Variants in DACH2 observed in about 807,000 individuals in gnomAD.
DACH2 encodes dachshund homolog 2.
In DACH2, 17 loss-of-function variants were observed where a neutral mutation model predicts 35.8. That is an observed-to-expected ratio of 0.48 (90% CI 0.33 to 0.71). The LOEUF is 0.71. Among genes scored for constraint, DACH2 ranks in the 30% least tolerant of loss-of-function variants. The pLI is 0.02. For synonymous variants in DACH2, 195 were observed against 177.3 expected (o/e 1.10, Z -0.79); for missense variants, 469 against 472.7 (o/e 0.99, Z 0.07).
intron 1 of DACH2, among the ~76,000 whole-genome samples, chrX:86,357,105 C>T (rs1453751749): frequency 9.0e-6 from 1 of 111,519 alleles, no homozygotes; most frequent in Non-Finnish European, 1.9e-5. Context: ...CCTCCAGCTC[C>T]ATCCAAGTTA....
chrX:86,775,004 G>A (rs930145831), intron 7 of DACH2, among the ~76,000 whole-genome samples: 7 of 111,623 alleles, frequency 6.3e-5, no homozygotes, highest in Non-Finnish European at 1.1e-4. Context: ...CTACAGGAAT[G>A]TAAAGAGGTT....
intron 2 of DACH2, among the ~76,000 whole-genome samples, chrX:86,464,719 A>G (rs1418981346): frequency 8.9e-6 from 1 of 111,865 alleles, no homozygotes; most frequent in Non-Finnish European, 1.9e-5. Context: ...TTCAAAAAAG[A>G]TAAGTGTAGA....
chrX:86,274,745 A>C (rs1222686333), intron 1 of DACH2, among the ~76,000 whole-genome samples: 1 of 109,548 alleles, frequency 9.1e-6, no homozygotes, highest in South Asian at 3.9e-4. Flanking sequence ...TGATCTGCCC[A>C]CCTCGGCCTC....
At chrX:86,219,694 G>GAAAAAAAT (rs766398732) in intron 1 of DACH2, among the ~76,000 whole-genome samples, 1 of 111,050 alleles carries the variant, frequency 9.0e-6, no homozygotes. Flanking sequence ...ATGTGCAAAA[G>GAAAAAAAT]CTTTTTAGTT....
intron 1 of DACH2, among the ~76,000 whole-genome samples, chrX:86,361,153 T>G (rs762855885): frequency 8.9e-6 from 1 of 111,752 alleles, no homozygotes; most frequent in South Asian, 3.7e-4. Flanking sequence ...GCAAACAATA[T>G]GTAACTTGTA....
intron 2 of DACH2, among the ~76,000 whole-genome samples, chrX:86,378,279 CAG>C (rs1317493524): frequency 2.7e-5 from 3 of 109,646 alleles, no homozygotes; most frequent in Non-Finnish European, 5.7e-5. Flanking sequence ...TTATTGCAAT[CAG>C]AGAAAAACCA....
chrX:86,486,532 A>T (rs2038021690), intron 2 of DACH2, among the ~76,000 whole-genome samples: 2 of 111,051 alleles, frequency 1.8e-5, no homozygotes, highest in Non-Finnish European at 1.9e-5. Flanking sequence ...TCAATCTCCA[A>T]GGGAGATGGC....
intron 3 of DACH2, among the ~76,000 whole-genome samples, chrX:86,648,470 A>G (rs768447310): frequency 1.8e-5 from 2 of 111,248 alleles, no homozygotes; most frequent in Non-Finnish European, 3.8e-5. Flanking sequence ...CTTCCTGAGG[A>G]TAAGAATTTA....
At chrX:86,468,814 A>G (rs2037716014) in intron 2 of DACH2, among the ~76,000 whole-genome samples, 1 of 111,523 alleles carries the variant, frequency 9.0e-6, no homozygotes, top group Non-Finnish European at 1.9e-5. Context: ...CAGAAAATTA[A>G]AAACAGAACT....
At chrX:86,617,886 A>G (rs963813227) in intron 3 of DACH2, among the ~76,000 whole-genome samples, 1 of 112,372 alleles carries the variant, frequency 8.9e-6, no homozygotes, top group African/African-American at 3.2e-5. Flanking sequence ...AAGCTATTTA[A>G]TGTTTCTTTG....
chrX:86,734,137 C>G (rs1289826167), intron 6 of DACH2, among the ~76,000 whole-genome samples: 1 of 110,508 alleles, frequency 9.0e-6, no homozygotes, highest in Non-Finnish European at 1.9e-5. Context: ...ATGGCTGATT[C>G]CTTTAATCTG....
chrX:86,354,848 G>GA (rs1200395225), intron 1 of DACH2, among the ~76,000 whole-genome samples: 1,024 of 14,210 alleles, frequency 0.072, 312 homozygotes, highest in African/African-American at 0.27. Flanking sequence ...AAAAATAAAT[G>GA]AAAAAAAAAA....
At chrX:86,660,941 G>A (rs1057391882) in intron 4 of DACH2, among the ~76,000 whole-genome samples, 4 of 110,978 alleles carry the variant, frequency 3.6e-5, no homozygotes, top group Non-Finnish European at 7.6e-5. Flanking sequence ...ATTAGTGTAA[G>A]GGACTCAGAA....
At chrX:86,208,367 A>G (rs2032367259) in intron 1 of DACH2, among the ~76,000 whole-genome samples, 1 of 111,434 alleles carries the variant, frequency 9.0e-6, no homozygotes, top group African/African-American at 3.3e-5. Flanking sequence ...CATGGATTAC[A>G]TTGACAATTT....
chrX:86,309,066 C>T (rs1029093287), intron 1 of DACH2, among the ~76,000 whole-genome samples: 1 of 111,722 alleles, frequency 9.0e-6, no homozygotes, highest in Non-Finnish European at 1.9e-5. Context: ...ATTAGAGCTG[C>T]CTCTACCTAG....
At chrX:86,650,838 C>T in intron 3 of DACH2, among the ~76,000 whole-genome samples, 198 bp from the exon 4 acceptor site, 1 of 110,968 alleles carries the variant, frequency 9.0e-6, no homozygotes, top group Non-Finnish European at 1.9e-5. Flanking sequence ...TGTAGCATAG[C>T]TCTGTTAAAT....
Position 86,639,050 on chromosome X carries a change from G to A in DACH2, c.641-11986G>A, listed in dbSNP as rs1455152217. Reference sequence around the variant, plus strand: ...ATGAGTGGATAAAGAAAATATGGTAGCGATGAGTGGCCAAGATGGCCAACT... The same window carrying A: ...ATGAGTGGATAAAGAAAATATGGTAACGATGAGTGGCCAAGATGGCCAACT... On this transcript the variant is annotated intron_variant, in intron 3 of 11. Coordinates refer to ENST00000373125, the MANE Select transcript of DACH2 (RefSeq NM_053281.3). Among the ~76,000 whole-genome samples the A allele has an allele frequency of 5.3e-5, 6 of 112,166 alleles. No individual in the cohort carries two copies. The South Asian group carries it at 2.2e-3, about 42-fold the overall frequency.
At chrX:86,201,004 T>G (rs1035025378) in intron 1 of DACH2, among the ~76,000 whole-genome samples, 1 of 111,374 alleles carries the variant, frequency 9.0e-6, no homozygotes, top group African/African-American at 3.3e-5. Flanking sequence ...ATTGCAGTGC[T>G]TTTCGCAGTA....
chrX:86,831,321 ATTATCT>A (rs1786922503), intron 11 of DACH2: 1 of 111,119 alleles, frequency 9.0e-6, no homozygotes, highest in African/African-American at 3.3e-5. Context: ...ACTCAGAAAC[ATTATCT>A]TTAAGTATTT....
Sources: gnomAD v4.1 joint callset for allele counts (sites outside exome capture counted in the v4.1 genomes callset) on GRCh38, gnomAD v4.1.1 for gene constraint, MANE v1.5 for transcripts, NCBI Gene and HGNC (gene_info 2026-07-23, HGNC 2026-07-21) for gene names.